The following ADAMTS16 variants were observed in gnomAD, a reference collection of about 807,000 sequenced individuals.
ADAMTS16 encodes the protein ADAM metallopeptidase with thrombospondin type 1 motif 16.
Under a neutral mutation model 145.8 loss-of-function variants are expected in ADAMTS16, and 94 were observed. The ratio of observed to expected loss-of-function variants is 0.64; its 90% CI spans 0.55 to 0.77. The LOEUF is 0.77. Among genes scored for constraint, ADAMTS16 ranks in the 30% least tolerant of loss-of-function variants. The pLI, the probability that ADAMTS16 is intolerant of heterozygous loss-of-function variation, is 0.00. For missense variants in ADAMTS16, 1,585 were observed against 1,591.5 expected (o/e 1.00, Z 0.07); for synonymous variants, 659 against 604.3 (o/e 1.09, Z -1.33).
In ADAMTS16 at chr5:5,194,245, C is replaced by T. The variant is rs187928701; in HGVS notation, c.1313+2455C>T. 1.6e-4 allele frequency among the ~76,000 whole-genome samples: 25 copies of T among 152,242 alleles called. No individual in the cohort carries two copies. The East Asian group carries it at 2.9e-3, about 18-fold the overall frequency. On this transcript the variant is annotated intron_variant, in intron 8 of 22. Transcript: ENST00000274181. ...AGACAGAGAACCTGGAGCTTGTCAA[C>T]GAAAAACCTGCTGACCATGTTGAGA...
At chr5:5,232,285 G>A (rs2913624) in intron 11 of ADAMTS16, 83 bp from the exon 12 acceptor site, 1,111,007 of 1,551,302 alleles carry the variant, frequency 0.72, 399,422 homozygotes, top group African/African-American at 0.85. Context: ...ATTCCCCACT[G>A]CTCAGCCTTA....
chr5:5,216,158 G>A (rs919779815), intron 10 of ADAMTS16, among the ~76,000 whole-genome samples: 13 of 152,016 alleles, frequency 8.6e-5, no homozygotes, highest in Non-Finnish European at 1.9e-4. Flanking sequence ...ATTCCCACCA[G>A]CAGTGTAGAA....
intron 13 of ADAMTS16, among the ~76,000 whole-genome samples, 177 bp downstream of exon 13, chr5:5,235,363 C>T (rs558114332): frequency 5.9e-5 from 9 of 152,296 alleles, no homozygotes; most frequent in Non-Finnish European, 1.2e-4. Flanking sequence ...ATCACGACCT[C>T]TTATCTAAAC....
At chr5:5,177,731 T>G (rs761695433) in intron 3 of ADAMTS16, among the ~76,000 whole-genome samples, 1 of 152,206 alleles carries the variant, frequency 6.6e-6, no homozygotes, top group Non-Finnish European at 1.5e-5. Flanking sequence ...GAATAGAATA[T>G]TCCCAAAACA....
intron 2 of ADAMTS16, among the ~76,000 whole-genome samples, chr5:5,143,022 G>A (rs1029999044): frequency 2.0e-5 from 3 of 152,110 alleles, no homozygotes; most frequent in Non-Finnish European, 2.9e-5. Context: ...ACCGAAACTG[G>A]ACCCTTCCTT....
intron 3 of ADAMTS16, among the ~76,000 whole-genome samples, chr5:5,153,374 T>C (rs551861073): frequency 4.6e-5 from 7 of 152,208 alleles, no homozygotes; most frequent in Non-Finnish European, 8.8e-5. Context: ...TATCCCAAAG[T>C]TCTTGTTAAA....
At chr5:5,230,341 A>G (rs1177139177) in intron 11 of ADAMTS16, among the ~76,000 whole-genome samples, 1 of 152,210 alleles carries the variant, frequency 6.6e-6, no homozygotes, top group Non-Finnish European at 1.5e-5. Context: ...AAAATAAAAT[A>G]CCAAATTGGA....
chr5:5,307,573 G>T (rs1429617932), intron 21 of ADAMTS16, among the ~76,000 whole-genome samples: 1 of 152,148 alleles, frequency 6.6e-6, no homozygotes, highest in Non-Finnish European at 1.5e-5. Context: ...TCTCCATGTG[G>T]GTCCCTAACT....
At chr5:5,192,570 C>A (rs1399184029) in intron 8 of ADAMTS16, among the ~76,000 whole-genome samples, 1 of 152,116 alleles carries the variant, frequency 6.6e-6, no homozygotes, top group African/African-American at 2.4e-5. Flanking sequence ...GATTTGCCTC[C>A]CTTATTCCAC....
intron 21 of ADAMTS16, among the ~76,000 whole-genome samples, chr5:5,314,484 A>G (rs1423483755): frequency 6.6e-6 from 1 of 152,176 alleles, no homozygotes; most frequent in African/African-American, 2.4e-5. Flanking sequence ...AAGCCATCGT[A>G]TTTGGGAGAC....
chr5:5,305,357 A>G (rs1740069696), intron 20 of ADAMTS16, among the ~76,000 whole-genome samples: 1 of 77,932 alleles, frequency 1.3e-5, no homozygotes, highest in African/African-American at 4.4e-5. Flanking sequence ...ATCCCACACC[A>G]CACACACATC....
chr5:5,215,053 A>T (rs906095389), intron 10 of ADAMTS16, among the ~76,000 whole-genome samples: 2 of 152,210 alleles, frequency 1.3e-5, no homozygotes, highest in Non-Finnish European at 2.9e-5. Context: ...TGATGGATGG[A>T]TGATATTTTA....
At chr5:5,192,480 A>G (rs1735689376) in intron 8 of ADAMTS16, among the ~76,000 whole-genome samples, 1 of 152,060 alleles carries the variant, frequency 6.6e-6, no homozygotes, top group Admixed American at 6.6e-5. Flanking sequence ...ATTTATAGAG[A>G]TGCTATTTTT....
chr5:5,268,416 G>C (rs892933777), intron 18 of ADAMTS16, among the ~76,000 whole-genome samples: 2 of 152,112 alleles, frequency 1.3e-5, no homozygotes, highest in Non-Finnish European at 2.9e-5. Context: ...TCAGACGCTC[G>C]GTCACCACAG....
In ADAMTS16 at chr5:5,200,121, C is replaced by CTCTA; in HGVS notation, c.1314-8_1314-7insATCT. On this transcript the variant is annotated splice_polypyrimidine_tract_variant and intron_variant, in intron 8 of 22. Transcript: ENST00000274181. The stretch of plus-strand genomic sequence containing the variant: ...CTGAAAGAACCATCTCTCTCTCTCT[C>CTCTA]TCTCTCATAGCTTTGGCATGATTCA... 1.3e-6 allele frequency: 2 copies of CTCTA among 1,595,734 alleles called. No individual in the cohort carries two copies. The highest frequency in any genetic ancestry group is 1.7e-6 in the Non-Finnish European group (2 of 1,170,190).
At chr5:5,237,973 C>T (rs1308674138) in intron 14 of ADAMTS16, among the ~76,000 whole-genome samples, 1 of 152,194 alleles carries the variant, frequency 6.6e-6, no homozygotes, top group East Asian at 1.9e-4. Context: ...TTTCAATCTG[C>T]ATATCCTACG....
chr5:5,162,909 G>T (rs1262631460), intron 3 of ADAMTS16, among the ~76,000 whole-genome samples: 1 of 152,144 alleles, frequency 6.6e-6, no homozygotes, highest in Non-Finnish European at 1.5e-5. Flanking sequence ...GGTCTCCTTA[G>T]TTCAGCTTGA....
At chr5:5,208,099 T>G (rs1373190050) in intron 9 of ADAMTS16, among the ~76,000 whole-genome samples, 1 of 152,204 alleles carries the variant, frequency 6.6e-6, no homozygotes, top group African/African-American at 2.4e-5. Flanking sequence ...AGAATTGGTA[T>G]AAGTTCTTCC....
At chr5:5,300,145 C>T (rs66928747) in intron 18 of ADAMTS16, among the ~76,000 whole-genome samples, 360 of 152,260 alleles carry the variant, frequency 2.4e-3, no homozygotes, top group Non-Finnish European at 4.4e-3. Context: ...GTGTGAAAAG[C>T]TCTTGAGCAG....
Sources: gnomAD v4.1 joint callset for allele counts (sites outside exome capture counted in the v4.1 genomes callset) on GRCh38, gnomAD v4.1.1 for gene constraint, MANE v1.5 for transcripts, NCBI Gene and HGNC (gene_info 2026-07-23, HGNC 2026-07-21) for gene names.